Variants in LDB2 observed in about 807,000 individuals in gnomAD.
LDB2 encodes LIM domain-binding protein 2.
In LDB2, 12 loss-of-function variants were observed where a neutral mutation model predicts 44.3. The observed-to-expected ratio is 0.27, with a 90% CI of 0.17 to 0.44. The LOEUF (loss-of-function observed/expected upper bound fraction) is 0.44, where lower values mean the gene tolerates loss of function less well. Among genes scored for constraint, LDB2 ranks in the 20% least tolerant of loss-of-function variants. LDB2 has a pLI of 1.00. For synonymous variants in LDB2, 164 were observed against 174.8 expected (o/e 0.94, Z 0.49); for missense variants, 344 against 473.5 (o/e 0.73, Z 2.54).
chr4:16,702,773 C>T (rs752828836), intron 2 of LDB2, among the ~76,000 whole-genome samples: 16 of 152,142 alleles, frequency 1.1e-4, no homozygotes, highest in African/African-American at 2.9e-4. Context: ...ACTGCCCACA[C>T]GGCTGGGGCG....
At chr4:16,729,866 C>T (rs962603143) in intron 2 of LDB2, among the ~76,000 whole-genome samples, 7 of 152,268 alleles carry the variant, frequency 4.6e-5, no homozygotes, top group African/African-American at 7.2e-5. Context: ...TCTAAAATAA[C>T]GACCGCATGA....
At chr4:16,697,262 A>AT (rs1752348380) in intron 2 of LDB2, among the ~76,000 whole-genome samples, 3 of 72,744 alleles carry the variant, frequency 4.1e-5, no homozygotes. Flanking sequence ...GTCTCTACTA[A>AT]AAATACACAC....
intron 1 of LDB2, among the ~76,000 whole-genome samples, chr4:16,866,088 T>C (rs1714610910): frequency 6.6e-6 from 1 of 152,232 alleles, no homozygotes. Context: ...TAACAGGATA[T>C]CTACAGAGGA....
At chr4:16,655,896 CTTTT>C (rs747097456) in intron 2 of LDB2, among the ~76,000 whole-genome samples, 6 of 93,310 alleles carry the variant, frequency 6.4e-5, no homozygotes, top group South Asian at 3.9e-4. Context: ...TGCAAGAAAA[CTTTT>C]TTTTTTTTTT....
rs917935704 is a variant in LDB2, at chr4:16,502,155, AT to A, written c.*487del. ...ACATTTAAATTACTTTCCAAAGCTG[AT>A]TTTTTTGTCTTTTCTTTTTTTACTG... On this transcript the variant is annotated 3_prime_UTR_variant, in exon 8 of 8. Transcript: ENST00000304523. The A allele has an allele frequency of 3.2e-5, 5 of 154,492 alleles. No homozygotes were observed. The highest frequency in any genetic ancestry group is 7.2e-5 in the African/African-American group (3 of 41,460). The allele number at this position is 154,492 out of a possible 1,614,324, so 9.6% of individuals were successfully genotyped here.
At chr4:16,537,382 T>G (rs747773642) in intron 5 of LDB2, among the ~76,000 whole-genome samples, 1 of 152,228 alleles carries the variant, frequency 6.6e-6, no homozygotes, top group African/African-American at 2.4e-5. Flanking sequence ...ACTGCTCTCT[T>G]GGAAAGAATA....
chr4:16,512,720 GTAAA>G (rs1351985993), intron 5 of LDB2, among the ~76,000 whole-genome samples: 2 of 152,196 alleles, frequency 1.3e-5, no homozygotes, highest in Non-Finnish European at 2.9e-5. Flanking sequence ...TGATGATACT[GTAAA>G]TAACATATGT....
chr4:16,603,083 G>T (rs1005722013), intron 2 of LDB2, among the ~76,000 whole-genome samples: 2 of 151,974 alleles, frequency 1.3e-5, no homozygotes, highest in Non-Finnish European at 2.9e-5. Context: ...TGATACTATG[G>T]GCTATTTCTT....
chr4:16,645,696 A>G (rs1377939546), intron 2 of LDB2, among the ~76,000 whole-genome samples: 3 of 152,220 alleles, frequency 2.0e-5, no homozygotes, highest in Admixed American at 6.5e-5. Context: ...ATTCAGAATC[A>G]ACAGAAGCAG....
intron 2 of LDB2, among the ~76,000 whole-genome samples, chr4:16,680,190 C>T (rs1747456649): frequency 6.6e-6 from 1 of 152,146 alleles, no homozygotes; most frequent in Admixed American, 6.5e-5. Flanking sequence ...AAAATCCTTG[C>T]CAGGAACCAA....
At chr4:16,882,202 G>A (rs960898844) in intron 1 of LDB2, among the ~76,000 whole-genome samples, 42 of 152,118 alleles carry the variant, frequency 2.8e-4, no homozygotes, top group African/African-American at 7.0e-4. Context: ...TGAGGGCAGG[G>A]TTTATATATG....
chr4:16,808,568 T>C (rs1779211837), intron 1 of LDB2, among the ~76,000 whole-genome samples: 1 of 152,190 alleles, frequency 6.6e-6, no homozygotes, highest in African/African-American at 2.4e-5. Flanking sequence ...CTGCTGCTGC[T>C]AATGGAAGAT....
At chr4:16,524,536 G>A (rs1727501322) in intron 5 of LDB2, among the ~76,000 whole-genome samples, 1 of 152,166 alleles carries the variant, frequency 6.6e-6, no homozygotes, top group South Asian at 2.1e-4. Context: ...GAGAGTATGA[G>A]GGAGGGGCTG....
At chr4:16,689,095 GA>G (rs1749960906) in intron 2 of LDB2, among the ~76,000 whole-genome samples, 1 of 152,210 alleles carries the variant, frequency 6.6e-6, no homozygotes, top group Admixed American at 6.5e-5. Context: ...TGATGGAAGG[GA>G]AAGACAAGAA....
rs1279762048 is a variant in LDB2, at chr4:16,545,997, C to T, written c.616-33893G>A. Among the ~76,000 whole-genome samples the T allele has an allele frequency of 2.6e-4, 39 of 152,262 alleles. 1 individual carries two copies. ...TTGCAACAGGGTAAGTCTAACTCTG[C>T]CAGTGGATTTATAAAAATTAAAAGG... On this transcript the variant is annotated intron_variant, in intron 5 of 7. Coordinates refer to ENST00000304523, the MANE Select transcript of LDB2 (RefSeq NM_001290.5).
chr4:16,644,684 C>A (rs571932182), intron 2 of LDB2, among the ~76,000 whole-genome samples: 17 of 152,284 alleles, frequency 1.1e-4, no homozygotes, highest in African/African-American at 4.1e-4. Flanking sequence ...CCTGCCTTGG[C>A]CTCCCAAAGT....
At chr4:16,708,087 A>G (rs556488503) in intron 2 of LDB2, among the ~76,000 whole-genome samples, 1 of 152,292 alleles carries the variant, frequency 6.6e-6, no homozygotes, top group South Asian at 2.1e-4. Context: ...TTCTTTTAAC[A>G]GTGGCTCACT....
At chr4:16,762,444 GA>G (rs1333961301) in intron 1 of LDB2, among the ~76,000 whole-genome samples, 1 of 152,166 alleles carries the variant, frequency 6.6e-6, no homozygotes, top group Non-Finnish European at 1.5e-5. Flanking sequence ...ATTTATAAAG[GA>G]AAGAGGTTTA....
intron 2 of LDB2, among the ~76,000 whole-genome samples, chr4:16,661,043 T>C (rs1741430498): frequency 6.6e-6 from 1 of 152,212 alleles, no homozygotes; most frequent in African/African-American, 2.4e-5. Context: ...TAAAGCCAAA[T>C]TATACCCTGT....
Sources: gnomAD v4.1 joint callset for allele counts (sites outside exome capture counted in the v4.1 genomes callset) on GRCh38, gnomAD v4.1.1 for gene constraint, MANE v1.5 for transcripts, NCBI Gene and HGNC (gene_info 2026-07-23, HGNC 2026-07-21) for gene names.